MAPKAP1: variants seen among roughly 807,000 people sequenced by gnomAD.
The protein encoded by MAPKAP1 is MAPK associated protein 1.
In MAPKAP1, 20 loss-of-function variants were observed where a neutral mutation model predicts 65.7. The observed-to-expected ratio is 0.30, with a 90% CI of 0.21 to 0.44. The LOEUF (loss-of-function observed/expected upper bound fraction) is 0.44. Among genes scored for constraint, MAPKAP1 ranks in the 20% least tolerant of loss-of-function variants. The pLI is 1.00. For missense variants in MAPKAP1, 423 were observed against 648.0 expected (o/e 0.65, Z 3.77); for synonymous variants, 222 against 244.3 (o/e 0.91, Z 0.85).
At chr9:125,464,204 T>TAAAAA (rs57497941) in intron 10 of MAPKAP1, among the ~76,000 whole-genome samples, 5 of 83,326 alleles carry the variant, frequency 6.0e-5, no homozygotes, top group South Asian at 5.1e-4. Flanking sequence ...TCTCATATAT[T>TAAAAA]AAAAAAAAAA....
intron 4 of MAPKAP1, among the ~76,000 whole-genome samples, chr9:125,657,264 T>C (rs2131751919): frequency 6.6e-6 from 1 of 152,168 alleles, no homozygotes; most frequent in Middle Eastern, 3.4e-3. Context: ...TACACATATA[T>C]ATTTCTCTCT....
rs566692488 is a variant in MAPKAP1 at position 125,485,363 on chromosome 9, A to AC, written c.1067-781dup. On this transcript the variant is annotated intron_variant, in intron 8 of 11. Coordinates refer to ENST00000265960, the MANE Select transcript of MAPKAP1 (RefSeq NM_001006617.3). Reference sequence around the variant, plus strand: ...TTCATTCACCAAATGCTCAGAGAGCACCCTGTGCATGCTAAGTACTCTGAT... The same window carrying AC: ...TTCATTCACCAAATGCTCAGAGAGCACCCCTGTGCATGCTAAGTACTCTGAT... Among the ~76,000 whole-genome samples, 5 of 152,322 alleles carry AC rather than the reference A, an allele frequency of 3.3e-5. No individual in the cohort carries two copies. The South Asian group carries it at 1.0e-3, about 32-fold the overall frequency.
chr9:125,577,947 G>C (rs1831494938), intron 5 of MAPKAP1, among the ~76,000 whole-genome samples: 1 of 151,846 alleles, frequency 6.6e-6, no homozygotes, highest in South Asian at 2.1e-4. Context: ...ACAGCTCATT[G>C]AGAACAGGCC....
chr9:125,453,700 G>T (rs1853050476), intron 10 of MAPKAP1, among the ~76,000 whole-genome samples: 1 of 152,106 alleles, frequency 6.6e-6, no homozygotes, highest in Non-Finnish European at 1.5e-5. Flanking sequence ...CCCCTTGCCT[G>T]CTTTTGTAAC....
At chr9:125,617,024 C>T (rs990728930) in intron 4 of MAPKAP1, among the ~76,000 whole-genome samples, 4 of 152,048 alleles carry the variant, frequency 2.6e-5, no homozygotes, top group African/African-American at 9.7e-5. Flanking sequence ...ACTTAATATG[C>T]ATGTTATGTG....
At chr9:125,480,612 G>C (rs1854271608) in intron 9 of MAPKAP1, among the ~76,000 whole-genome samples, 1 of 152,214 alleles carries the variant, frequency 6.6e-6, no homozygotes, top group African/African-American at 2.4e-5. Context: ...GACCTGGAGA[G>C]AGGGCAATAG....
chr9:125,492,596 C>G (rs1854775081), intron 8 of MAPKAP1, among the ~76,000 whole-genome samples: 1 of 152,190 alleles, frequency 6.6e-6, no homozygotes, highest in Non-Finnish European at 1.5e-5. Flanking sequence ...TAGGACTAAT[C>G]ATTAAATCAT....
chr9:125,608,371 A>G (rs1055845268), intron 4 of MAPKAP1, among the ~76,000 whole-genome samples: 2 of 152,298 alleles, frequency 1.3e-5, no homozygotes, highest in Non-Finnish European at 2.9e-5. Flanking sequence ...CATCATAGCA[A>G]GGGAAATGGC....
chr9:125,624,753 T>C (rs1256678601), intron 4 of MAPKAP1, among the ~76,000 whole-genome samples: 3 of 80,496 alleles, frequency 3.7e-5, no homozygotes, highest in Non-Finnish European at 8.0e-5. Context: ...CAATAGCTCA[T>C]TGAGAACGGG....
intron 7 of MAPKAP1, among the ~76,000 whole-genome samples, chr9:125,540,441 CTTG>C (rs1448007876): frequency 6.6e-6 from 1 of 152,228 alleles, no homozygotes; most frequent in African/African-American, 2.4e-5. Context: ...TTTCTGAAAT[CTTG>C]TTGTAGCACA....
At chr9:125,653,714 G>A (rs1017715324) in intron 4 of MAPKAP1, among the ~76,000 whole-genome samples, 10 of 152,344 alleles carry the variant, frequency 6.6e-5, no homozygotes, top group African/African-American at 2.4e-4. Context: ...GATTCGAATG[G>A]AGGCTTTACT....
chr9:125,601,870 C>T (rs564241233), intron 4 of MAPKAP1, among the ~76,000 whole-genome samples: 5 of 152,208 alleles, frequency 3.3e-5, no homozygotes, highest in Non-Finnish European at 7.3e-5. Flanking sequence ...GAAGGATGCT[C>T]CTCCTCAGCA....
intron 10 of MAPKAP1, among the ~76,000 whole-genome samples, chr9:125,466,604 G>A (rs944110700): frequency 5.9e-5 from 9 of 152,266 alleles, no homozygotes; most frequent in South Asian, 2.1e-4. Context: ...TGAAGTGAGC[G>A]GGATTAGGAA....
intron 9 of MAPKAP1, among the ~76,000 whole-genome samples, chr9:125,479,503 C>A (rs1210488441): frequency 6.6e-6 from 1 of 151,908 alleles, no homozygotes; most frequent in Non-Finnish European, 1.5e-5. Flanking sequence ...TTGCTTGAAC[C>A]CGGGAGGCGG....
chr9:125,511,256 C>T (rs566468840), intron 7 of MAPKAP1, among the ~76,000 whole-genome samples: 30 of 152,210 alleles, frequency 2.0e-4, no homozygotes, highest in African/African-American at 6.7e-4. Flanking sequence ...CTAACTACCA[C>T]CATCACAGGC....
chr9:125,521,558 C>T, intron 7 of MAPKAP1: 1 of 1,376,802 alleles, frequency 7.3e-7, no homozygotes, highest in African/African-American at 1.5e-5. Flanking sequence ...AATGCCAAAA[C>T]TGGTTGATGG....
intron 10 of MAPKAP1, among the ~76,000 whole-genome samples, chr9:125,452,928 A>C (rs1434466581): frequency 6.6e-6 from 1 of 152,186 alleles, no homozygotes; most frequent in African/African-American, 2.4e-5. Context: ...AAAATAAATG[A>C]AATTAAAACT....
rs574836176 is a variant in MAPKAP1, at chr9:125,694,930, A to T, written c.-70+12041T>A. On this transcript the variant is annotated intron_variant, in intron 1 of 11. Transcript: ENST00000265960. ...CAAGTATAAATGACAGAGGTCTGTC[A>T]TTGAAGATAATTAAAATAATTTATT... 7.2e-5 allele frequency among the ~76,000 whole-genome samples: 11 copies of T among 152,380 alleles called. 1 individual carries two copies. The South Asian group carries it at 2.3e-3, about 32-fold the overall frequency.
Position 125,438,524 on chromosome 9 carries a change from GTTTGC to G in MAPKAP1, c.*358_*362del, listed in dbSNP as rs1326992485. 2.4e-5 allele frequency: 10 copies of G among 412,476 alleles called. No homozygotes were observed. Among genetic ancestry groups the G allele is most frequent in the Non-Finnish European group, 3.0e-5 (7 of 234,668 alleles). The allele number at this position is 412,476 out of a possible 1,614,324, so 25.6% of individuals were successfully genotyped here. On this transcript the variant is annotated 3_prime_UTR_variant, in exon 12 of 12. Coordinates refer to ENST00000265960, the MANE Select transcript of MAPKAP1 (RefSeq NM_001006617.3). ...AAAAACAGAAATGTACATTTTTGTT[GTTTGC>G]TTTAAGAAATTTGATCAAGTTGCAA...
Sources: gnomAD v4.1 joint callset for allele counts (sites outside exome capture counted in the v4.1 genomes callset) on GRCh38, gnomAD v4.1.1 for gene constraint, MANE v1.5 for transcripts, NCBI Gene and HGNC (gene_info 2026-07-23, HGNC 2026-07-21) for gene names.